Variants in NCOA3 observed in about 807,000 individuals in gnomAD.
NCOA3 encodes nuclear receptor coactivator 3.
In NCOA3, 51 loss-of-function variants were observed where a neutral mutation model predicts 158.8. The observed-to-expected ratio is 0.32, with a 90% CI of 0.26 to 0.41. NCOA3 has a LOEUF of 0.41. Among genes scored for constraint, NCOA3 ranks in the 10% least tolerant of loss-of-function variants. The probability of loss-of-function intolerance (pLI) is 1.00; values close to 1 mark genes in which losing one functional copy is unlikely to be tolerated. For synonymous variants in NCOA3, 537 were observed against 592.4 expected (o/e 0.91, Z 1.36); for missense variants, 1,510 against 1,746.6 (o/e 0.86, Z 2.41).
At chr20:47,554,758 A>G (rs1488931636) in intron 1 of NCOA3, among the ~76,000 whole-genome samples, 2 of 152,134 alleles carry the variant, frequency 1.3e-5, no homozygotes, top group Non-Finnish European at 2.9e-5. Context: ...GGAAGAATCA[A>G]TATCGTGAAA....
At chr20:47,511,999 T>C (rs1269315415) in intron 1 of NCOA3, among the ~76,000 whole-genome samples, 1 of 152,010 alleles carries the variant, frequency 6.6e-6, no homozygotes, top group Non-Finnish European at 1.5e-5. Flanking sequence ...ATTACACTTG[T>C]ACCCCATAAA....
intron 2 of NCOA3, among the ~76,000 whole-genome samples, chr20:47,595,475 C>G (rs2085738475): frequency 6.6e-6 from 1 of 152,160 alleles, no homozygotes; most frequent in South Asian, 2.1e-4. Context: ...GCTTAACTTG[C>G]AAAGGACCGT....
intron 1 of NCOA3, among the ~76,000 whole-genome samples, chr20:47,535,801 C>T (rs560050694): frequency 3.9e-5 from 6 of 152,028 alleles, no homozygotes; most frequent in African/African-American, 1.2e-4. Context: ...CCACTGCGCC[C>T]GGCCGAGTGC....
chr20:47,542,861 C>A (rs1176011033), intron 1 of NCOA3, among the ~76,000 whole-genome samples: 1 of 152,106 alleles, frequency 6.6e-6, no homozygotes, highest in Non-Finnish European at 1.5e-5. Flanking sequence ...ACTTGGGAGG[C>A]TGAGGCAGGA....
intron 1 of NCOA3, among the ~76,000 whole-genome samples, chr20:47,505,682 C>CT (rs2084021056): frequency 6.6e-6 from 1 of 151,646 alleles, no homozygotes; most frequent in African/African-American, 2.4e-5. Context: ...TGTATGTTAA[C>CT]TTTTTCTTAT....
At chr20:47,647,914 GTTTTGT>G (rs2086716906) in intron 18 of NCOA3, among the ~76,000 whole-genome samples, 3 of 126,050 alleles carry the variant, frequency 2.4e-5, no homozygotes, top group Non-Finnish European at 5.1e-5. Context: ...TGTTTGTTTT[GTTTTGT>G]TTTTTTTTTT....
At chr20:47,512,587 A>AAAAAAAAAAAAAAAC in intron 1 of NCOA3, among the ~76,000 whole-genome samples, 1 of 144,564 alleles carries the variant, frequency 6.9e-6, no homozygotes, top group Non-Finnish European at 1.5e-5. Context: ...AAAAAAAAAA[A>AAAAAAAAAAAAAAAC]AACACAAAAG....
At chr20:47,583,370 C>A in intron 2 of NCOA3, 109 bp downstream of exon 2, 1 of 391,942 alleles carries the variant, frequency 2.6e-6, no homozygotes, top group South Asian at 1.4e-4. Context: ...ATTTATGCTT[C>A]ATGTTTTTCT....
chr20:47,650,945 C>G, intron 19 of NCOA3, 37 bp from the exon 20 acceptor site: 3 of 1,590,022 alleles, frequency 1.9e-6, no homozygotes, highest in Non-Finnish European at 2.6e-6. Context: ...CAGGTTCTTG[C>G]TATATATATG....
intron 1 of NCOA3, among the ~76,000 whole-genome samples, chr20:47,554,702 A>C (rs2084975087): frequency 6.6e-6 from 1 of 152,066 alleles, no homozygotes; most frequent in African/African-American, 2.4e-5. Context: ...TCAATGAAAT[A>C]AAAGAGGATA....
At chr20:47,585,933 T>G (rs868468097) in intron 2 of NCOA3, among the ~76,000 whole-genome samples, 2,532 of 151,908 alleles carry the variant, frequency 0.017, 72 homozygotes, top group African/African-American at 0.058. Flanking sequence ...CAGGTTTTTT[T>G]TTTTTTTTTT....
chr20:47,507,285 T>C (rs941363918), intron 1 of NCOA3, among the ~76,000 whole-genome samples: 2 of 152,194 alleles, frequency 1.3e-5, no homozygotes, highest in African/African-American at 2.4e-5. Flanking sequence ...TTGGAAAAAT[T>C]TCCATTTATT....
chr20:47,653,397 T>C lies in NCOA3; in HGVS notation c.4264-9T>C. ...TTTTTTTTTTTTTTTTTTTCCTGGT[T>C]GCTGACAGAAATACTGCTGACATCT... On this transcript the variant is annotated splice_polypyrimidine_tract_variant and intron_variant, in intron 22 of 22. Transcript: ENST00000371998. 1 of 1,583,600 alleles carries C rather than the reference T, an allele frequency of 6.3e-7. No individual in the cohort carries two copies. The highest frequency in any genetic ancestry group is 8.6e-7 in the Non-Finnish European group (1 of 1,165,352).
intron 1 of NCOA3, among the ~76,000 whole-genome samples, chr20:47,531,360 CAA>C (rs890634702): frequency 4.0e-5 from 6 of 151,840 alleles, no homozygotes; most frequent in Non-Finnish European, 7.4e-5. Flanking sequence ...AACAAACAAA[CAA>C]ACAAAAAGAA....
chr20:47,604,806 G>C (rs184170979), intron 2 of NCOA3, among the ~76,000 whole-genome samples: 1 of 152,236 alleles, frequency 6.6e-6, no homozygotes, highest in East Asian at 1.9e-4. Context: ...ATTAAGCATT[G>C]AATTCATCTT....
intron 2 of NCOA3, among the ~76,000 whole-genome samples, chr20:47,614,724 A>G (rs1427986967): frequency 1.3e-5 from 2 of 152,144 alleles, no homozygotes; most frequent in Admixed American, 1.3e-4. Context: ...GCCATTGACC[A>G]TCTCAAGTGG....
At chr20:47,540,687 T>C (rs2084711079) in intron 1 of NCOA3, among the ~76,000 whole-genome samples, 1 of 152,144 alleles carries the variant, frequency 6.6e-6, no homozygotes, top group Non-Finnish European at 1.5e-5. Flanking sequence ...AAGGAATTTA[T>C]AGTCTGTTTG....
At chr20:47,645,581 AT>A (rs11324068) in intron 17 of NCOA3, among the ~76,000 whole-genome samples, 19,950 of 149,726 alleles carry the variant, frequency 0.13, 1,923 homozygotes, top group African/African-American at 0.26. Flanking sequence ...CCTTTTAAGT[AT>A]TTTTTTTTTA....
rs2086856466 is a variant in NCOA3 at position 47,655,449 on chromosome 20, T to C, written c.*2032T>C. On this transcript the variant is annotated 3_prime_UTR_variant, in exon 23 of 23. Coordinates refer to ENST00000371998, the MANE Select transcript of NCOA3 (RefSeq NM_181659.3). The stretch of plus-strand genomic sequence containing the variant: ...AGATCATTTAATATCTTTGATATGC[T>C]TACGAGTAAGTGAATCCTGATTATT... The C allele has an allele frequency of 6.6e-6, 1 of 152,380 alleles. No homozygotes were observed. The highest frequency in any genetic ancestry group is 1.5e-5 in the Non-Finnish European group (1 of 68,042). 9.4% of individuals were successfully genotyped at this position (152,380 alleles called of 1,614,324 possible).
Sources: allele counts gnomAD v4.1 joint callset (sites outside exome capture counted in the v4.1 genomes callset), GRCh38; gene constraint gnomAD v4.1.1; transcripts MANE v1.5; gene names NCBI Gene and HGNC (gene_info 2026-07-23, HGNC 2026-07-21).